Variants in KIF2A observed in about 807,000 individuals in gnomAD.
KIF2A encodes the protein kinesin family member 2A.
In KIF2A, 22 loss-of-function variants were observed where a neutral mutation model predicts 100.2. The observed-to-expected ratio is 0.22, with a 90% CI of 0.16 to 0.31. KIF2A has a LOEUF of 0.31. Among genes scored for constraint, KIF2A ranks in the 10% least tolerant of loss-of-function variants. The pLI, the probability that KIF2A is intolerant of heterozygous loss-of-function variation, is 1.00. For missense variants in KIF2A, 495 were observed against 898.7 expected (o/e 0.55, Z 5.74); for synonymous variants, 268 against 285.9 (o/e 0.94, Z 0.63).
chr5:62,325,880 C>A (rs1344891483), intron 1 of KIF2A, among the ~76,000 whole-genome samples: 1 of 152,166 alleles, frequency 6.6e-6, no homozygotes, highest in Non-Finnish European at 1.5e-5. Flanking sequence ...GACATGTAAT[C>A]AACCTGGATG....
At chr5:62,369,750 C>T (rs1741236769) in intron 16 of KIF2A, among the ~76,000 whole-genome samples, 1 of 151,500 alleles carries the variant, frequency 6.6e-6, no homozygotes, top group Non-Finnish European at 1.5e-5. Context: ...TAGGCCAATA[C>T]TTTGAGGTGG....
chr5:62,349,529 TAG>T (rs1378259218), intron 3 of KIF2A, among the ~76,000 whole-genome samples: 6 of 152,132 alleles, frequency 3.9e-5, no homozygotes, highest in African/African-American at 1.4e-4. Flanking sequence ...ATGAATGAAT[TAG>T]AGGACCAAAA....
At chr5:62,307,906 TCG>T (rs1745393021) in intron 1 of KIF2A, among the ~76,000 whole-genome samples, 1 of 152,116 alleles carries the variant, frequency 6.6e-6, no homozygotes, top group Non-Finnish European at 1.5e-5. Context: ...GCGTGAGCCA[TCG>T]CGCCTGGCCT....
chr5:62,349,062 TGA>T (rs1747716640), intron 3 of KIF2A, among the ~76,000 whole-genome samples: 1 of 152,134 alleles, frequency 6.6e-6, no homozygotes, highest in Non-Finnish European at 1.5e-5. Flanking sequence ...TTAATCATAT[TGA>T]GAGTCACCAC....
chr5:62,372,148 G>A (rs993900033), intron 16 of KIF2A, among the ~76,000 whole-genome samples: 1 of 152,124 alleles, frequency 6.6e-6, no homozygotes, highest in Non-Finnish European at 1.5e-5. Context: ...AGTTAGGGGG[G>A]CATTTCAGAT....
intron 1 of KIF2A, among the ~76,000 whole-genome samples, chr5:62,345,993 A>G (rs989084318): frequency 6.6e-6 from 1 of 152,136 alleles, no homozygotes; most frequent in Non-Finnish European, 1.5e-5. Flanking sequence ...GTCCTAGGCA[A>G]ATAATCCAAC....
rs1385005298 is a variant in KIF2A at position 62,343,373 on chromosome 5, AT to A, written c.65-3754del. Among the ~76,000 whole-genome samples the A allele has an allele frequency of 2.6e-5, 4 of 152,168 alleles. No homozygotes were observed. The East Asian group carries it at 7.7e-4, about 29-fold the overall frequency. On this transcript the variant is annotated intron_variant, in intron 1 of 20. Coordinates refer to ENST00000407818, the MANE Select transcript of KIF2A (RefSeq NM_001098511.3). ...ACTCAGTTGCTTTTACATCTTTCAC[AT>A]TTAAGTTTGTGACCCATCTTTTGGG...
chr5:62,334,788 C>T (rs1431317398), intron 1 of KIF2A, among the ~76,000 whole-genome samples: 1 of 152,138 alleles, frequency 6.6e-6, no homozygotes, highest in African/African-American at 2.4e-5. Context: ...CACACCCAGC[C>T]ACACACCCCA....
intron 1 of KIF2A, among the ~76,000 whole-genome samples, chr5:62,325,114 G>T (rs1205737361): frequency 6.6e-6 from 1 of 151,844 alleles, no homozygotes; most frequent in Non-Finnish European, 1.5e-5. Flanking sequence ...CTGTTGTAAA[G>T]CTTTTCTTTT....
At chr5:62,307,933 A>G (rs1413464486) in intron 1 of KIF2A, among the ~76,000 whole-genome samples, 1 of 152,028 alleles carries the variant, frequency 6.6e-6, no homozygotes, top group Non-Finnish European at 1.5e-5. Context: ...TCCTTTTATG[A>G]GTGCCTTATT....
chr5:62,309,292 G>A (rs1745454984), intron 1 of KIF2A, among the ~76,000 whole-genome samples: 2 of 152,126 alleles, frequency 1.3e-5, no homozygotes, highest in African/African-American at 2.4e-5. Flanking sequence ...TTTCAAAAGC[G>A]GTTTGCCTAT....
intron 1 of KIF2A, among the ~76,000 whole-genome samples, chr5:62,330,393 GT>G (rs1211484831): frequency 6.6e-6 from 1 of 152,130 alleles, no homozygotes; most frequent in Non-Finnish European, 1.5e-5. Context: ...TTTAATATAG[GT>G]TTTGATCAAT....
chr5:62,344,656 A>G (rs1328024049), intron 1 of KIF2A, among the ~76,000 whole-genome samples: 1 of 152,136 alleles, frequency 6.6e-6, no homozygotes, highest in Non-Finnish European at 1.5e-5. Flanking sequence ...AAGCATTCAC[A>G]CCTATGTTCA....
chr5:62,355,389 TAAG>T, intron 7 of KIF2A, 135 bp downstream of exon 7: 2 of 569,496 alleles, frequency 3.5e-6, no homozygotes, highest in Non-Finnish European at 6.3e-6. Context: ...CCCCATATTT[TAAG>T]AAGAAAATCA....
intron 6 of KIF2A, 110 bp downstream of exon 6, chr5:62,353,485 T>G (rs1747953831): frequency 4.1e-6 from 2 of 488,516 alleles, no homozygotes; most frequent in Non-Finnish European, 7.2e-6. Context: ...TTGAAGAATT[T>G]TAAGAATTCC....
rs563278438 is a variant in KIF2A at position 62,384,958 on chromosome 5, C to T, written c.2150-526C>T. 2.6e-5 allele frequency among the ~76,000 whole-genome samples: 4 copies of T among 152,238 alleles called. No homozygotes were observed. In the East Asian group the frequency reaches 7.7e-4, roughly 29 times the overall value. On this transcript the variant is annotated intron_variant, in intron 20 of 20. Transcript: ENST00000407818. ...GGGAGTTCGAGACCAGCATGGCCAA[C>T]ATGGTAAAACCCCGTATCTACTAAA...
chr5:62,367,275 G>GT (rs1258615875), intron 16 of KIF2A, among the ~76,000 whole-genome samples: 37 of 150,120 alleles, frequency 2.5e-4, no homozygotes, highest in African/African-American at 6.6e-4. Context: ...TTTTGTTTTG[G>GT]TTTTTTTTTG....
chr5:62,337,441 G>A (rs1040829070), intron 1 of KIF2A, among the ~76,000 whole-genome samples: 20 of 150,930 alleles, frequency 1.3e-4, no homozygotes, highest in African/African-American at 2.2e-4. Context: ...GCAGTGAGCC[G>A]AGATCACACC....
At chr5:62,358,948 G>A (rs905432115) in intron 9 of KIF2A, among the ~76,000 whole-genome samples, 1 of 152,212 alleles carries the variant, frequency 6.6e-6, no homozygotes, top group African/African-American at 2.4e-5. Context: ...TGGGATTACA[G>A]GCATGAGCCA....
Sources: allele counts gnomAD v4.1 joint callset (sites outside exome capture counted in the v4.1 genomes callset), GRCh38; gene constraint gnomAD v4.1.1; transcripts MANE v1.5; gene names NCBI Gene and HGNC (gene_info 2026-07-23, HGNC 2026-07-21).